VAV3: variants seen among roughly 807,000 people sequenced by gnomAD.
VAV3 encodes the protein guanine nucleotide exchange factor VAV3.
In VAV3, 94 loss-of-function variants were observed where a neutral mutation model predicts 131.2. That is an observed-to-expected ratio of 0.72 (90% CI 0.61 to 0.85). The LOEUF (loss-of-function observed/expected upper bound fraction) is 0.85, where lower values mean the gene tolerates loss of function less well. VAV3 is among the 40% of genes least tolerant of loss of function. The probability of loss-of-function intolerance (pLI) is 0.00; values close to 1 mark genes in which losing one functional copy is unlikely to be tolerated. For synonymous variants in VAV3, 349 were observed against 342.0 expected (o/e 1.02, Z -0.22); for missense variants, 939 against 1,002.7 (o/e 0.94, Z 0.86).
chr1:107,789,281 C>A (rs144746693), intron 2 of VAV3, among the ~76,000 whole-genome samples: 1 of 152,330 alleles, frequency 6.6e-6, no homozygotes, highest in Non-Finnish European at 1.5e-5. Context: ...ATCACTGCTT[C>A]CTGAATGTTG....
intron 4 of VAV3, among the ~76,000 whole-genome samples, 181 bp from the exon 5 acceptor site, chr1:107,773,024 A>C (rs1434144580): frequency 6.6e-6 from 1 of 152,230 alleles, no homozygotes; most frequent in Admixed American, 6.5e-5. Flanking sequence ...ACAACTACAG[A>C]ATCCAATAAC....
chr1:107,668,423 C>A (rs1275488593), intron 19 of VAV3, among the ~76,000 whole-genome samples: 1 of 152,192 alleles, frequency 6.6e-6, no homozygotes, highest in Non-Finnish European at 1.5e-5. Flanking sequence ...GTAGCTTCCT[C>A]ATCTGTAAAA....
chr1:107,924,270 A>C (rs1490026025), intron 1 of VAV3, among the ~76,000 whole-genome samples: 1 of 152,172 alleles, frequency 6.6e-6, no homozygotes, highest in Non-Finnish European at 1.5e-5. Context: ...CTATTTTAAA[A>C]CTAAATGTCC....
chr1:107,927,471 G>A (rs757798743), intron 1 of VAV3, among the ~76,000 whole-genome samples: 6 of 151,116 alleles, frequency 4.0e-5, no homozygotes, highest in Admixed American at 2.0e-4. Context: ...CAGCCACAGG[G>A]GGATATAGTA....
At chr1:107,887,182 C>A (rs1274574220) in intron 1 of VAV3, among the ~76,000 whole-genome samples, 1 of 152,238 alleles carries the variant, frequency 6.6e-6, no homozygotes, top group East Asian at 1.9e-4. Context: ...CTCCGTCCAA[C>A]CTGGCAGCGA....
intron 15 of VAV3, among the ~76,000 whole-genome samples, chr1:107,734,407 G>C (rs1662458088): frequency 6.6e-6 from 1 of 152,128 alleles, no homozygotes; most frequent in Non-Finnish European, 1.5e-5. Flanking sequence ...AAAAGACACA[G>C]ACTGTCAAAT....
chr1:107,821,568 G>T (rs1238838335), intron 2 of VAV3, among the ~76,000 whole-genome samples: 1 of 152,214 alleles, frequency 6.6e-6, no homozygotes, highest in South Asian at 2.1e-4. Context: ...AGAGGTGGGA[G>T]AAAGTGTGTG....
chr1:107,644,339 T>C (rs559857291), intron 19 of VAV3, among the ~76,000 whole-genome samples: 6 of 152,244 alleles, frequency 3.9e-5, no homozygotes, highest in Non-Finnish European at 8.8e-5. Flanking sequence ...CTGGTTTGCA[T>C]GATAGTTAAC....
intron 19 of VAV3, among the ~76,000 whole-genome samples, chr1:107,645,341 T>C (rs563252270): frequency 6.6e-6 from 1 of 151,940 alleles, no homozygotes; most frequent in East Asian, 1.9e-4. Context: ...TTTTTGGTCA[T>C]TTGTTAGGGT....
chr1:107,761,329 C>T (rs1319691045), intron 9 of VAV3, among the ~76,000 whole-genome samples: 1 of 148,056 alleles, frequency 6.8e-6, no homozygotes, highest in African/African-American at 2.5e-5. Context: ...GGAGGCGGAG[C>T]TTGCAGTGAG....
chr1:107,729,714 T>C lies in VAV3; in HGVS notation c.1502+19254A>G, dbSNP rs77152677. Among the ~76,000 whole-genome samples, 657 of 152,316 alleles carry C rather than the reference T, an allele frequency of 4.3e-3. 3 individuals carry two copies. The highest frequency in any genetic ancestry group is 7.5e-3 in the Non-Finnish European group (509 of 68,022). ...TTTAACAAGATGAGCATCCAAAGCA[T>C]AGCATTGTGCTTGGAATACAATGCT... On this transcript the variant is annotated intron_variant, in intron 15 of 26. Coordinates refer to ENST00000370056, the MANE Select transcript of VAV3 (RefSeq NM_006113.5).
In VAV3 at chr1:107,942,850, T is replaced by A. The variant is rs111274414; in HGVS notation, c.204+21816A>T. ...ATATATTTCTTAAGGGCCACCCCCA[T>A]TCCTTTTTATCTGCTAAATAACAAA... On this transcript the variant is annotated intron_variant, in intron 1 of 26. Transcript: ENST00000370056. 2.4e-3 allele frequency among the ~76,000 whole-genome samples: 371 copies of A among 152,316 alleles called. 1 individual carries two copies. The highest frequency in any genetic ancestry group is 9.6e-3 in the East Asian group (50 of 5,188).
At chr1:107,952,167 G>T (rs933156284) in intron 1 of VAV3, among the ~76,000 whole-genome samples, 2 of 152,018 alleles carry the variant, frequency 1.3e-5, no homozygotes, top group Non-Finnish European at 2.9e-5. Context: ...CAGAGACATG[G>T]ATAGCGCTGG....
chr1:107,632,187 T>A (rs6681818), intron 20 of VAV3, among the ~76,000 whole-genome samples: 58,113 of 152,010 alleles, frequency 0.38, 11,594 homozygotes, highest in East Asian at 0.48. Flanking sequence ...ATTACCATGG[T>A]CTCTTACCAA....
At chr1:107,631,192 G>C (rs1315098630) in intron 20 of VAV3, among the ~76,000 whole-genome samples, 2 of 151,790 alleles carry the variant, frequency 1.3e-5, no homozygotes, top group Non-Finnish European at 2.9e-5. Context: ...TTTATTTACA[G>C]ATATATAAAA....
chr1:107,760,771 T>G lies in VAV3; in HGVS notation c.1017+13A>C, dbSNP rs771944658. 4.4e-6 allele frequency: 7 copies of G among 1,596,154 alleles called. No homozygotes were observed. The highest frequency in any genetic ancestry group is 6.0e-6 in the Non-Finnish European group (7 of 1,164,636). ...ATAAATGGACAATAAATAAACTGTT[T>G]TAAGTTACATACCTGGAGGAGAAGG... On this transcript the variant is annotated intron_variant, in intron 10 of 26. Transcript: ENST00000370056.
At chr1:107,631,144 G>A (rs558801188) in intron 20 of VAV3, among the ~76,000 whole-genome samples, 1 of 151,894 alleles carries the variant, frequency 6.6e-6, no homozygotes, top group Non-Finnish European at 1.5e-5. Flanking sequence ...CCAAAGTATT[G>A]TAACACCTAT....
chr1:107,597,867 T>C (rs1191189269), intron 24 of VAV3, among the ~76,000 whole-genome samples: 1 of 152,188 alleles, frequency 6.6e-6, no homozygotes, highest in Non-Finnish European at 1.5e-5. Context: ...CATTATCCCA[T>C]GTGCCAGGCC....
intron 15 of VAV3, among the ~76,000 whole-genome samples, chr1:107,741,977 G>A (rs1041908401): frequency 6.6e-6 from 1 of 152,214 alleles, no homozygotes; most frequent in Non-Finnish European, 1.5e-5. Context: ...CTAGCATCAG[G>A]TTAGGTGTCT....
Sources: allele counts gnomAD v4.1 joint callset (sites outside exome capture counted in the v4.1 genomes callset), GRCh38; gene constraint gnomAD v4.1.1; transcripts MANE v1.5; gene names NCBI Gene and HGNC (gene_info 2026-07-23, HGNC 2026-07-21).